The following A2ML1 variants were observed in gnomAD, a reference collection of about 807,000 sequenced individuals.
The protein encoded by A2ML1 is alpha-2-macroglobulin-like protein 1.
Under a neutral mutation model 181.9 loss-of-function variants are expected in A2ML1, and 161 were observed. The observed-to-expected ratio is 0.89, with a 90% CI of 0.78 to 1.01. A2ML1 has a LOEUF of 1.01. Ranked by LOEUF, A2ML1 falls within the 50% of genes least tolerant of loss-of-function variation. The probability of loss-of-function intolerance (pLI) is 0.00; values close to 1 mark genes in which losing one functional copy is unlikely to be tolerated. For missense variants in A2ML1, 1,670 were observed against 1,768.1 expected (o/e 0.94, Z 1.00); for synonymous variants, 663 against 666.8 (o/e 0.99, Z 0.09).
chr12:8,883,181 G>C (rs962376493), intron 7 of A2ML1, among the ~76,000 whole-genome samples: 1 of 152,012 alleles, frequency 6.6e-6, no homozygotes, highest in African/African-American at 2.4e-5. Context: ...TCCAGCGGAG[G>C]ATTTACCAAG....
At chr12:8,886,008 T>TCACACA (rs1491278936) in intron 7 of A2ML1, among the ~76,000 whole-genome samples, 16 of 55,330 alleles carry the variant, frequency 2.9e-4, no homozygotes, top group African/African-American at 9.0e-4. Flanking sequence ...TTCAACAATA[T>TCACACA]CTCACACACA....
At chr12:8,854,730 C>A (rs767352225) in intron 21 of A2ML1, 50 bp from the exon 22 acceptor site, 1 of 1,607,462 alleles carries the variant, frequency 6.2e-7, no homozygotes, top group Non-Finnish European at 8.5e-7. Context: ...AGTGCCATCC[C>A]TCCTGATGTT....
intron 7 of A2ML1, among the ~76,000 whole-genome samples, chr12:8,884,294 G>C (rs1250709774): frequency 6.9e-6 from 1 of 144,486 alleles, no homozygotes; most frequent in South Asian, 2.2e-4. Context: ...TTGAGGTTTG[G>C]GGCTACCTGT....
chr12:8,841,263 G>A, intron 10 of A2ML1, 106 bp from the exon 11 acceptor site: 1 of 989,256 alleles, frequency 1.0e-6, no homozygotes, highest in East Asian at 2.5e-5. Context: ...ATTACTTTTA[G>A]TGCCAAAAAC....
rs781607442 is a variant in A2ML1 at position 8,843,286 on chromosome 12, C to T, written c.1401C>T (p.Pro467=). 3.1e-6 allele frequency: 5 copies of T among 1,614,170 alleles called. No individual in the cohort carries two copies. The South Asian group carries it at 5.5e-5, about 18-fold the overall frequency. Residue 467 remains proline (P), a synonymous_variant, in exon 12 of 36, where the codon CCC becomes CCT. Coordinates refer to ENST00000299698, the MANE Select transcript of A2ML1 (RefSeq NM_144670.6). ...ACGGCCCCTTGAAATGTGGCCAGCC[C>T]CAGGAAGTGCTGGTGGATTATTACA... The part of the protein sequence containing the change: ...RLNGPLKCGQ[P]QEVLVDYYID...
intron 5 of A2ML1, among the ~76,000 whole-genome samples, chr12:8,835,247 C>T (rs946910514): frequency 4.6e-5 from 7 of 152,198 alleles, no homozygotes; most frequent in African/African-American, 1.7e-4. Flanking sequence ...GGAGATAACA[C>T]TTTAGAGGGC....
At chr12:8,863,009 A>G (rs1285966893) in intron 28 of A2ML1, among the ~76,000 whole-genome samples, 1 of 152,052 alleles carries the variant, frequency 6.6e-6, no homozygotes. Flanking sequence ...CCTTCTAAGC[A>G]TGTTTCATAT....
chr12:8,839,279 T>G, intron 10 of A2ML1, 57 bp downstream of exon 10: 1 of 1,292,176 alleles, frequency 7.7e-7, no homozygotes, highest in South Asian at 1.3e-5. Flanking sequence ...CTACTTTGCC[T>G]CCTTCCTGCA....
At chr12:8,880,210 A>T (rs998765947), downstream of A2ML1, among the ~76,000 whole-genome samples, 152 of 20,484 alleles carry the variant, frequency 7.4e-3, 1 homozygote, top group African/African-American at 0.03. Context: ...GTAAAAATAC[A>T]AAAAAATCAG....
chr12:8,835,601 T>G lies in A2ML1; in HGVS notation c.578T>G (p.Leu193Arg), dbSNP rs1333604445. The G allele has an allele frequency of 6.2e-7, 1 of 1,614,086 alleles. No homozygotes were observed. The highest frequency in any genetic ancestry group is 8.5e-7 in the Non-Finnish European group (1 of 1,180,042). ...LSFQLAPEAM[L>R]GTYTVAVAEG... Reference sequence around the variant, plus strand: ...TTCCAACTGGCACCAGAGGCAATGCTGGGCACCTACACTGTGGCAGTGGCT... The same window carrying G: ...TTCCAACTGGCACCAGAGGCAATGCGGGGCACCTACACTGTGGCAGTGGCT... The change falls in exon 6 of 36, where the codon CTG becomes CGG. Residue 193 changes from leucine to arginine, a missense_variant. Leu to Arg is a moderately radical substitution (Grantham distance 102). Coordinates refer to ENST00000299698, the MANE Select transcript of A2ML1 (RefSeq NM_144670.6).
chr12:8,853,109 C>T (rs1943947181), intron 20 of A2ML1, among the ~76,000 whole-genome samples: 1 of 152,150 alleles, frequency 6.6e-6, no homozygotes, highest in South Asian at 2.1e-4. Context: ...ATCCTCTCAC[C>T]TAGGCCTCCG....
At chr12:8,857,369 A>C in intron 24 of A2ML1, 29 bp downstream of exon 24, 1 of 1,611,262 alleles carries the variant, frequency 6.2e-7, no homozygotes, top group Non-Finnish European at 8.5e-7. Context: ...TCTTTCTTGA[A>C]CACTCTCCTC....
intron 29 of A2ML1, 138 bp downstream of exon 29, chr12:8,864,146 A>G (rs1232862061): frequency 2.8e-6 from 2 of 717,868 alleles, no homozygotes; most frequent in East Asian, 2.8e-5. Context: ...ATATGGAAGT[A>G]TTCATAAAAT....
At chr12:8,826,943 TG>T (rs1942949554) in intron 3 of A2ML1, among the ~76,000 whole-genome samples, 1 of 152,216 alleles carries the variant, frequency 6.6e-6, no homozygotes, top group Non-Finnish European at 1.5e-5. Context: ...GATTCTTTTT[TG>T]TTTTTTATTC....
downstream of A2ML1, among the ~76,000 whole-genome samples, chr12:8,880,983 C>T (rs993537342): frequency 3.3e-5 from 5 of 152,110 alleles, no homozygotes; most frequent in Admixed American, 6.6e-5. Context: ...TGGAAAACAA[C>T]ACGATGGGTA....
At chr12:8,860,173 C>T (rs1448227616) in intron 26 of A2ML1, among the ~76,000 whole-genome samples, 3 of 151,976 alleles carry the variant, frequency 2.0e-5, no homozygotes, top group East Asian at 1.9e-4. Context: ...TCCTGAATAG[C>T]TGGGACCACG....
At position 8,863,855 on chromosome 12, in the gene A2ML1, G is replaced by A. The variant is rs1039987688; in HGVS notation, c.3564G>A (p.Glu1188=). Residue 1188 remains glutamate, a synonymous_variant, in exon 29 of 36, where the codon GAG becomes GAA. Coordinates refer to ENST00000299698, the MANE Select transcript of A2ML1 (RefSeq NM_144670.6). ...TPSSNASPWS[E]PAAVDVELTA... ...CATCGAACGCCAGCCCTTGGTCTGA[G>A]CCTGCGGCTGTAGATGTGGAACTCA... The A allele has an allele frequency of 5.0e-6, 8 of 1,614,102 alleles. No homozygotes were observed. In the African/African-American group the frequency reaches 9.3e-5, roughly 19 times the overall value.
chr12:8,858,494 G>A (rs1944149228), intron 26 of A2ML1, among the ~76,000 whole-genome samples: 1 of 152,098 alleles, frequency 6.6e-6, no homozygotes, highest in African/African-American at 2.4e-5. Context: ...GTTGAGGTTG[G>A]AGGATCACTT....
Sources: allele counts gnomAD v4.1 joint callset (sites outside exome capture counted in the v4.1 genomes callset), GRCh38; gene constraint gnomAD v4.1.1; transcripts MANE v1.5; gene names NCBI Gene and HGNC (gene_info 2026-07-23, HGNC 2026-07-21).